Variants in PFKM observed in about 807,000 individuals in gnomAD.
PFKM encodes phosphofructokinase, muscle.
A neutral mutation model predicts 95.5 loss-of-function variants in PFKM; 58 were observed. The observed-to-expected ratio is 0.61, with a 90% confidence interval of 0.49 to 0.76. The LOEUF (loss-of-function observed/expected upper bound fraction) is 0.76, where lower values mean the gene tolerates loss of function less well. Among genes scored for constraint, PFKM ranks in the 30% least tolerant of loss-of-function variants. The probability of loss-of-function intolerance (pLI) is 0.00; values close to 1 mark genes in which losing one functional copy is unlikely to be tolerated. For synonymous variants in PFKM, 336 were observed against 357.2 expected (o/e 0.94, Z 0.67); for missense variants, 678 against 1,005.4 (o/e 0.67, Z 4.40).
At chr12:48,132,177 T>C (rs376056882) in intron 4 of PFKM, 6 of 426,750 alleles carry the variant, frequency 1.4e-5, no homozygotes, top group African/African-American at 8.2e-5. Context: ...GGAGTACATA[T>C]GATATGAAAA....
At chr12:48,129,261 A>G (rs564537768) in intron 2 of PFKM, among the ~76,000 whole-genome samples, 4 of 64,424 alleles carry the variant, frequency 6.2e-5, no homozygotes, top group South Asian at 1.1e-3. Flanking sequence ...GAGTCTTGCT[A>G]TGTTGCCCAG....
Position 48,140,890 on chromosome 12 carries a change from G to T in PFKM, c.1341+19G>T. ...GGGGCAGGTATGGGGACTATTCTGG[G>T]ACCTAGGAGCAGTCATGGGGAAGAT... On this transcript the variant is annotated intron_variant, in intron 14 of 22. Transcript: ENST00000359794. 1 of 1,613,734 alleles carries T rather than the reference G, an allele frequency of 6.2e-7. No individual in the cohort carries two copies. The highest frequency in any genetic ancestry group is 1.1e-5 in the South Asian group (1 of 91,068).
chr12:48,106,440 TA>T, intron 1 of PFKM: 1 of 413,206 alleles, frequency 2.4e-6, no homozygotes, highest in Non-Finnish European at 4.4e-6. Flanking sequence ...GCGGTGGCCC[TA>T]AATCTGCGGA....
At chr12:48,107,329 CTGT>C (rs772963772) in intron 1 of PFKM, 1 of 1,332,792 alleles carries the variant, frequency 7.5e-7, no homozygotes. Flanking sequence ...TTTCACAGCT[CTGT>C]TCGTTTGGAT....
intron 10 of PFKM, 23 bp downstream of exon 10, chr12:48,135,406 C>T: frequency 6.4e-7 from 1 of 1,558,938 alleles, no homozygotes; most frequent in Non-Finnish European, 8.9e-7. Flanking sequence ...GCTGTGTGGC[C>T]CTCATGCCTT....
chr12:48,134,916 A>C, intron 8 of PFKM, 27 bp from the exon 9 acceptor site: 1 of 1,603,850 alleles, frequency 6.2e-7, no homozygotes, highest in Non-Finnish European at 8.5e-7. Context: ...CATTCCATGG[A>C]CCATTTTACC....
chr12:48,105,682 G>T, upstream of PFKM: 1 of 445,490 alleles, frequency 2.2e-6, no homozygotes, highest in Non-Finnish European at 4.2e-6. Flanking sequence ...CAGCTCTGGC[G>T]GGAAAGCCCC....
chr12:48,140,575 G>T, intron 13 of PFKM, 147 bp from the exon 14 acceptor site: 1 of 824,264 alleles, frequency 1.2e-6, no homozygotes, highest in Non-Finnish European at 2.1e-6. Flanking sequence ...GCATTCCTTG[G>T]GAGAGGGGTG....
At chr12:48,111,977 A>T (rs950944303) in intron 3 of PFKM, among the ~76,000 whole-genome samples, 1 of 152,022 alleles carries the variant, frequency 6.6e-6, no homozygotes, top group African/African-American at 2.4e-5. Context: ...GAGGGCCTCT[A>T]AAAGTATTAG....
At chr12:48,122,625 A>G in intron 1 of PFKM, 142 bp from the exon 2 acceptor site, 1 of 1,504,070 alleles carries the variant, frequency 6.6e-7, no homozygotes, top group Non-Finnish European at 8.9e-7. Context: ...AAGAAGTCCA[A>G]AGCTCTCAGG....
At chr12:48,140,609 T>C (rs1446346229) in intron 13 of PFKM, 113 bp from the exon 14 acceptor site, 7 of 1,038,934 alleles carry the variant, frequency 6.7e-6, no homozygotes, top group Non-Finnish European at 9.1e-6. Flanking sequence ...CTTAGGCAGA[T>C]ATCCTGATCC....
upstream of PFKM, chr12:48,105,567 A>T: frequency 4.0e-6 from 2 of 494,302 alleles, no homozygotes; most frequent in Middle Eastern, 3.3e-4. Context: ...TGAGACGCAG[A>T]AGTAGTCAAG....
intron 1 of PFKM, chr12:48,106,685 A>G (rs1447575433): frequency 6.8e-6 from 1 of 148,070 alleles, no homozygotes. Context: ...ACCACCTCAT[A>G]CTTGATTGAC....
At position 48,140,944 on chromosome 12, in the gene PFKM, TC is replaced by T. The variant is rs754916354; in HGVS notation, c.1341+74del. 7.2e-4 allele frequency: 1,106 copies of T among 1,527,884 alleles called. 1 individual carries two copies. The highest frequency in any genetic ancestry group is 9.5e-4 in the Non-Finnish European group (1,048 of 1,105,220). 94.6% of individuals were successfully genotyped at this position (1,527,884 alleles called of 1,614,324 possible). On this transcript the variant is annotated intron_variant, in intron 14 of 22. Transcript: ENST00000359794. ...TGTAGCAAGAATGACCTGTCCATTC[TC>T]TTGGCTTCCTCTGTTCCTCACTACC...
At chr12:48,144,938 G>A in intron 20 of PFKM, 93 bp from the exon 21 acceptor site, 1 of 904,812 alleles carries the variant, frequency 1.1e-6, no homozygotes, top group South Asian at 1.4e-5. Context: ...TGTAAGCCTG[G>A]GGCCCATCTT....
At chr12:48,122,584 G>A (rs1323995991) in intron 1 of PFKM, 183 bp from the exon 2 acceptor site, 2 of 1,434,924 alleles carry the variant, frequency 1.4e-6, no homozygotes, top group Non-Finnish European at 1.8e-6. Flanking sequence ...ATTTCAGCTT[G>A]TCAGTCTACA....
upstream of PFKM, among the ~76,000 whole-genome samples, chr12:48,116,160 C>T (rs1947659700): frequency 6.8e-6 from 1 of 147,676 alleles, no homozygotes; most frequent in Non-Finnish European, 1.5e-5. Context: ...CTCCCTCACT[C>T]CCTGCCTCCT....
At position 48,141,848 on chromosome 12, in the gene PFKM, C is replaced by T. The variant is rs981242227; in HGVS notation, c.1500+21C>T. 7 of 1,612,942 alleles carry T rather than the reference C, an allele frequency of 4.3e-6. No homozygotes were observed. The African/African-American group carries it at 8.0e-5, about 18-fold the overall frequency. Reference sequence around the variant, plus strand: ...TTGAGGTGAGTGCCTGCCACCATTTCTTCCTCTCTCCCTCCTACCTCCTCT... The same window carrying T: ...TTGAGGTGAGTGCCTGCCACCATTTTTTCCTCTCTCCCTCCTACCTCCTCT... On this transcript the variant is annotated intron_variant, in intron 16 of 22. Transcript: ENST00000359794.
In PFKM at chr12:48,146,112, T is replaced by G; in HGVS notation, c.*404T>G. 1 of 257,290 alleles carries G rather than the reference T, an allele frequency of 3.9e-6. No individual in the cohort carries two copies. Among genetic ancestry groups the G allele is most frequent in the Non-Finnish European group, 7.7e-6 (1 of 130,298 alleles). The allele number at this position is 257,290 out of a possible 1,614,324, so 15.9% of individuals were successfully genotyped here. A position where few individuals can be genotyped will look rare whatever the true frequency, so the allele number is the denominator to read the frequency against. On this transcript the variant is annotated 3_prime_UTR_variant, in exon 23 of 23. Coordinates refer to ENST00000359794, the MANE Select transcript of PFKM (RefSeq NM_000289.6). ...TGCCAACTGGTCACTGTGCTTTTGC[T>G]TCTCCTGTTATCATCTTCCTAAGTG... is the stretch of plus-strand genomic sequence containing the variant.
Sources: gnomAD v4.1 joint callset for allele counts (sites outside exome capture counted in the v4.1 genomes callset) on GRCh38, gnomAD v4.1.1 for gene constraint, MANE v1.5 for transcripts, NCBI Gene and HGNC (gene_info 2026-07-23, HGNC 2026-07-21) for gene names.